The following TMEM232 variants were observed in gnomAD, a reference collection of about 807,000 sequenced individuals.
The protein encoded by TMEM232 is transmembrane protein 232.
TMEM232 carries 80 observed loss-of-function variants against 78.8 expected under a neutral mutation model. The ratio of observed to expected loss-of-function variants is 1.01; its 90% confidence interval spans 0.85 to 1.22. The LOEUF is 1.22. Ranked by LOEUF, TMEM232 falls within the 50% of genes most tolerant of loss-of-function variation. The pLI is 0.00. For synonymous variants in TMEM232, 297 were observed against 254.3 expected (o/e 1.17, Z -1.60); for missense variants, 881 against 742.2 (o/e 1.19, Z -2.17).
intron 12 of TMEM232, among the ~76,000 whole-genome samples, chr5:110,459,362 A>G (rs1431545658): frequency 2.0e-5 from 3 of 152,168 alleles, no homozygotes; most frequent in African/African-American, 7.2e-5. Flanking sequence ...CTTCAAAGAC[A>G]TATAGCACCG....
At chr5:110,513,041 C>A (rs1012514180) in intron 12 of TMEM232, among the ~76,000 whole-genome samples, 2 of 152,100 alleles carry the variant, frequency 1.3e-5, no homozygotes, top group African/African-American at 4.8e-5. Flanking sequence ...AAAGCTATTG[C>A]CCCATTGATG....
intron 12 of TMEM232, among the ~76,000 whole-genome samples, chr5:110,456,477 T>G (rs971557991): frequency 2.0e-5 from 3 of 152,250 alleles, no homozygotes; most frequent in African/African-American, 7.2e-5. Flanking sequence ...CTTTTTAAAC[T>G]AATATAGAGA....
Position 110,568,613 on chromosome 5 carries a change from A to G in TMEM232, c.1289T>C (p.Val430Ala), listed in dbSNP as rs1776597252. ...SKMSENCDQV[V>A]WTGYYGLVYN... is the part of the protein sequence containing the mutation. Reference sequence around the variant, plus strand: ...CACTAAGCCATAGTAACCAGTCCAGACTACTTGATCACCTGTTTAAAAAGA... The same window carrying G: ...CACTAAGCCATAGTAACCAGTCCAGGCTACTTGATCACCTGTTTAAAAAGA... Residue 430 changes from valine to alanine, a missense_variant, in exon 11 of 14, where the codon GTC becomes GCC. Val to Ala is a moderately conservative substitution (Grantham distance 64). Transcript: ENST00000455884. 1 of 1,537,326 alleles carries G rather than the reference A, an allele frequency of 6.5e-7. No individual in the cohort carries two copies. Among genetic ancestry groups the G allele is most frequent in the South Asian group, 1.2e-5 (1 of 80,864 alleles).
chr5:110,437,594 T>C lies in TMEM232; in HGVS notation c.1704-12678A>G, dbSNP rs149051275. On this transcript the variant is annotated intron_variant, in intron 12 of 13. Transcript: ENST00000455884. Reference sequence around the variant, plus strand: ...TGCTAGTTTTATTATATTATTATCATTACTACTAGTACATGCATATTATAT... The same window carrying C: ...TGCTAGTTTTATTATATTATTATCACTACTACTAGTACATGCATATTATAT... Among the ~76,000 whole-genome samples the C allele has an allele frequency of 1.7e-4, 26 of 152,142 alleles. No homozygotes were observed. In the East Asian group the frequency reaches 5.0e-3, roughly 29 times the overall value.
intron 12 of TMEM232, among the ~76,000 whole-genome samples, chr5:110,426,773 T>C (rs1349795303): frequency 3.9e-4 from 59 of 152,006 alleles, no homozygotes; most frequent in Admixed American, 3.7e-3. Context: ...TGGGGACATG[T>C]AGAGGCTGAC....
At chr5:110,407,089 A>G (rs1755819474) in intron 2 of TMEM232, among the ~76,000 whole-genome samples, 1 of 152,142 alleles carries the variant, frequency 6.6e-6, no homozygotes, top group Non-Finnish European at 1.5e-5. Context: ...AAAGTCTCAA[A>G]ACCATCAGAA....
At chr5:110,599,127 T>G (rs1486479224) in intron 10 of TMEM232, among the ~76,000 whole-genome samples, 2 of 151,938 alleles carry the variant, frequency 1.3e-5, no homozygotes, top group Non-Finnish European at 2.9e-5. Context: ...TGCTAAAGGA[T>G]TTTGTCACCA....
At chr5:110,445,894 T>C (rs750984752) in intron 12 of TMEM232, among the ~76,000 whole-genome samples, 1 of 152,102 alleles carries the variant, frequency 6.6e-6, no homozygotes, top group Admixed American at 6.6e-5. Flanking sequence ...AGAGAGAAAT[T>C]ACAATCTTTT....
chr5:110,568,694 A>G, intron 10 of TMEM232, 69 bp from the exon 11 acceptor site: 2 of 1,391,706 alleles, frequency 1.4e-6, no homozygotes, highest in South Asian at 2.8e-5. Context: ...ATTGTGTGAA[A>G]CAGAATAAAC....
chr5:110,530,841 TGA>T (rs1287708803), intron 11 of TMEM232, among the ~76,000 whole-genome samples: 2 of 152,316 alleles, frequency 1.3e-5, no homozygotes, highest in Middle Eastern at 3.4e-3. Flanking sequence ...TGAAAAATGC[TGA>T]GAGTAGATGT....
chr5:110,470,912 T>C (rs904523423), intron 12 of TMEM232, among the ~76,000 whole-genome samples: 2 of 151,830 alleles, frequency 1.3e-5, no homozygotes, highest in African/African-American at 4.8e-5. Context: ...AATCTACAAA[T>C]TGCCAGAAAA....
intron 11 of TMEM232, among the ~76,000 whole-genome samples, chr5:110,529,726 G>C (rs1423433395): frequency 6.6e-6 from 1 of 152,036 alleles, no homozygotes; most frequent in Non-Finnish European, 1.5e-5. Context: ...TTCAGGAAAA[G>C]GCTATTTTCT....
intron 12 of TMEM232, among the ~76,000 whole-genome samples, chr5:110,463,512 C>T (rs1174272436): frequency 6.6e-6 from 1 of 152,144 alleles, no homozygotes; most frequent in Non-Finnish European, 1.5e-5. Flanking sequence ...ATATACATAT[C>T]ATATTTAGAT....
chr5:110,391,998 A>G lies in TMEM232; in HGVS notation n.391-1358T>C, dbSNP rs151062394. ...TACATATGCATCATATGGCATATGC[A>G]TTGTTACCCTAACTAGAGAAATGGA... is the stretch of plus-strand genomic sequence containing the variant. On this transcript the variant is annotated intron_variant and non_coding_transcript_variant, in intron 3 of 8. Transcript: ENST00000507188. Among the ~76,000 whole-genome samples, 860 of 152,298 alleles carry G rather than the reference A, an allele frequency of 5.6e-3. 5 individuals carry two copies. The highest frequency in any genetic ancestry group is 0.019 in the African/African-American group (802 of 41,564).
At chr5:110,417,329 AGTGGGAAGAATGG>A (rs1756258689), downstream of TMEM232, among the ~76,000 whole-genome samples, 1 of 152,158 alleles carries the variant, frequency 6.6e-6, no homozygotes, top group African/African-American at 2.4e-5. Context: ...ATCAACTCAA[AGTGGGAAGAATGG>A]GAAAACAACT....
At chr5:110,733,185 C>A (rs1175094737) in intron 2 of TMEM232, among the ~76,000 whole-genome samples, 1 of 151,986 alleles carries the variant, frequency 6.6e-6, no homozygotes, top group Non-Finnish European at 1.5e-5. Flanking sequence ...ATAATAATAA[C>A]AACAGATGCT....
intron 12 of TMEM232, among the ~76,000 whole-genome samples, chr5:110,500,680 AATAAT>A (rs1766167651): frequency 6.6e-6 from 1 of 152,120 alleles, no homozygotes; most frequent in Non-Finnish European, 1.5e-5. Context: ...AATAAAAGAC[AATAAT>A]ATAAGGGAAA....
At chr5:110,657,981 A>G (rs554249348) in intron 2 of TMEM232, among the ~76,000 whole-genome samples, 1 of 152,310 alleles carries the variant, frequency 6.6e-6, no homozygotes, top group Admixed American at 6.5e-5. Flanking sequence ...CCTAAGTATC[A>G]GAAGTACCAG....
At chr5:110,711,324 G>A (rs1277058628) in intron 1 of TMEM232, among the ~76,000 whole-genome samples, 2 of 152,140 alleles carry the variant, frequency 1.3e-5, no homozygotes, top group African/African-American at 4.8e-5. Flanking sequence ...TTGTTAAAAT[G>A]TCCACAGTAC....
Sources: gnomAD v4.1 joint callset for allele counts (sites outside exome capture counted in the v4.1 genomes callset) on GRCh38, gnomAD v4.1.1 for gene constraint, MANE v1.5 for transcripts, NCBI Gene and HGNC (gene_info 2026-07-23, HGNC 2026-07-21) for gene names.